Variants in LONP2 observed in about 807,000 individuals in gnomAD.
LONP2 encodes lon protease homolog 2, peroxisomal.
Under a neutral mutation model 85.6 loss-of-function variants are expected in LONP2, and 60 were observed. The ratio of observed to expected loss-of-function variants is 0.70; its 90% CI spans 0.57 to 0.87. LONP2 has a LOEUF of 0.87. LONP2 is among the 40% of genes least tolerant of loss of function. The pLI, the probability that LONP2 is intolerant of heterozygous loss-of-function variation, is 0.00. For missense variants in LONP2, 860 were observed against 1,063.5 expected, an observed-to-expected ratio of 0.81 and a Z score of 2.66; for synonymous variants, 395 against 389.7, an observed-to-expected ratio of 1.01 and a Z score of -0.16.
chr16:48,300,318 A>G (rs1972776536), intron 10 of LONP2, among the ~76,000 whole-genome samples: 1 of 152,222 alleles, frequency 6.6e-6, no homozygotes, highest in South Asian at 2.1e-4. Flanking sequence ...AACAATAGAG[A>G]AGGTGCCTTC....
chr16:48,322,094 CT>C (rs1197013813), intron 11 of LONP2, among the ~76,000 whole-genome samples: 3 of 151,768 alleles, frequency 2.0e-5, no homozygotes, highest in Non-Finnish European at 2.9e-5. Context: ...CTTTTTAAAA[CT>C]TTTCAAATCT....
In LONP2 at chr16:48,244,425, C is replaced by A; in HGVS notation, c.37C>A (p.Leu13Ile). 1 of 1,584,268 alleles carries A rather than the reference C, an allele frequency of 6.3e-7. No homozygotes were observed. The highest frequency in any genetic ancestry group is 8.5e-7 in the Non-Finnish European group (1 of 1,170,552). ...SVSPIQIPSR[L>I]PLLLTHEGVL... is the part of the protein sequence containing the mutation. ...GAGCCCCATCCAGATCCCCAGTCGCCTCCCGCTGCTGCTCACCCACGAGGG... is the reference window on the plus strand; with the variant it reads ...GAGCCCCATCCAGATCCCCAGTCGCATCCCGCTGCTGCTCACCCACGAGGG... The change falls in exon 1 of 15, where the codon CTC becomes ATC. Residue 13 changes from leucine to isoleucine, a missense_variant. Around this residue, in one of 3 missense-constraint regions of LONP2, gnomAD observed 743 missense variants for 917.3 expected, o/e 0.81. Transcript: ENST00000285737.
chr16:48,334,386 C>T (rs764291562), intron 12 of LONP2, 28 bp downstream of exon 12: 1 of 1,613,894 alleles, frequency 6.2e-7, no homozygotes, highest in South Asian at 1.1e-5. Context: ...TTTCTTTTTG[C>T]TCCAGTCAAT....
At chr16:48,248,494 G>A (rs1971526872) in intron 1 of LONP2, among the ~76,000 whole-genome samples, 1 of 151,958 alleles carries the variant, frequency 6.6e-6, no homozygotes, top group Non-Finnish European at 1.5e-5. Flanking sequence ...TGGGGTGAAG[G>A]GAGGTATAAA....
chr16:48,336,009 C>T (rs965158217), intron 12 of LONP2, among the ~76,000 whole-genome samples: 3 of 152,208 alleles, frequency 2.0e-5, no homozygotes, highest in South Asian at 2.1e-4. Context: ...TGAGTGAAGA[C>T]GCAAACAGGT....
intron 11 of LONP2, among the ~76,000 whole-genome samples, chr16:48,303,778 C>T (rs1350108537): frequency 2.0e-5 from 3 of 152,138 alleles, no homozygotes; most frequent in Admixed American, 6.5e-5. Context: ...AAACCACTGG[C>T]GTACGTTCAA....
At chr16:48,307,099 G>T (rs1452988479) in intron 11 of LONP2, among the ~76,000 whole-genome samples, 1 of 152,160 alleles carries the variant, frequency 6.6e-6, no homozygotes, top group Admixed American at 6.6e-5. Context: ...TGTATTTGTG[G>T]GGTCTTAACT....
chr16:48,328,427 C>T (rs192741773), intron 11 of LONP2, among the ~76,000 whole-genome samples: 82 of 151,628 alleles, frequency 5.4e-4, no homozygotes, highest in Middle Eastern at 3.4e-3. Context: ...CACCTGTAAT[C>T]CCAGCACTTT....
At chr16:48,287,456 C>T (rs956608476) in intron 8 of LONP2, among the ~76,000 whole-genome samples, 2 of 152,240 alleles carry the variant, frequency 1.3e-5, no homozygotes, top group African/African-American at 4.8e-5. Flanking sequence ...ACAGTTGCCA[C>T]TGGTTGTTTT....
chr16:48,260,575 G>A (rs1172815674), intron 4 of LONP2, among the ~76,000 whole-genome samples: 2 of 152,222 alleles, frequency 1.3e-5, no homozygotes, highest in African/African-American at 4.8e-5. Context: ...CTTCAGCCTG[G>A]ATTACAAAGC....
intron 2 of LONP2, 63 bp from the exon 3 acceptor site, chr16:48,256,547 G>C (rs990108674): frequency 1.5e-5 from 24 of 1,560,078 alleles, no homozygotes; most frequent in Admixed American, 3.5e-5. Flanking sequence ...ATGGAAATCT[G>C]ATTTTTAAAA....
intron 12 of LONP2, among the ~76,000 whole-genome samples, chr16:48,340,263 G>C (rs1174223341): frequency 6.6e-6 from 1 of 152,156 alleles, no homozygotes; most frequent in African/African-American, 2.4e-5. Flanking sequence ...TCTGATAAAT[G>C]GTGGTAAGCA....
intron 6 of LONP2, among the ~76,000 whole-genome samples, chr16:48,265,982 A>G (rs973607992): frequency 6.6e-6 from 1 of 152,124 alleles, no homozygotes; most frequent in Middle Eastern, 3.4e-3. Flanking sequence ...ATTGTAAATG[A>G]GATTGTTTCC....
chr16:48,283,462 G>T (rs1410810163), intron 8 of LONP2, among the ~76,000 whole-genome samples: 1 of 152,124 alleles, frequency 6.6e-6, no homozygotes, highest in Non-Finnish European at 1.5e-5. Context: ...ACTTTAAGAT[G>T]AAGCCAGTGC....
At position 48,320,159 on chromosome 16, in the gene LONP2, CAAA is replaced by C. The variant is rs80118943; in HGVS notation, c.1796-14039_1796-14037del. On this transcript the variant is annotated intron_variant, in intron 11 of 14. Transcript: ENST00000285737. ...TGGGCAGCAGAGTAAGACTCTGTCT[CAAA>C]AAAAAAAAAAAAAAAAAGAATTTTT... Among the ~76,000 whole-genome samples the C allele has an allele frequency of 2.8e-4, 16 of 56,712 alleles. No homozygotes were observed. In the South Asian group the frequency reaches 3.1e-3, roughly 11 times the overall value. 37.2% of individuals were successfully genotyped at this position (56,712 alleles called of 152,430 possible).
At position 48,354,629 on chromosome 16, in the gene LONP2, A is replaced by C. The variant is rs182530565; in HGVS notation, c.*2827A>C. ...TCACTTTCTTTCTGAATTTCCCTTC[A>C]TATGAGTGGGATCAAACAAGAGTTG... On this transcript the variant is annotated 3_prime_UTR_variant, in exon 15 of 15. Transcript: ENST00000285737. The C allele has an allele frequency of 1.3e-5, 2 of 152,308 alleles. No individual in the cohort carries two copies. Among genetic ancestry groups the C allele is most frequent in the African/African-American group, 4.8e-5 (2 of 41,554 alleles). 9.4% of individuals were successfully genotyped at this position (152,308 alleles called of 1,614,324 possible). A position where few individuals can be genotyped will look rare whatever the true frequency, so the allele number is the denominator to read the frequency against.
At chr16:48,308,668 G>C (rs192633406) in intron 11 of LONP2, among the ~76,000 whole-genome samples, 1 of 141,314 alleles carries the variant, frequency 7.1e-6, no homozygotes, top group East Asian at 2.0e-4. Flanking sequence ...ATAGATTAAA[G>C]ACTTAAATGT....
intron 12 of LONP2, chr16:48,345,353 T>A (rs1347936745): frequency 1.3e-5 from 2 of 152,266 alleles, no homozygotes; most frequent in Admixed American, 6.5e-5. Flanking sequence ...TTAACAAAAT[T>A]GTACCAAATG....
At chr16:48,319,583 G>GC (rs1291018014) in intron 11 of LONP2, among the ~76,000 whole-genome samples, 2 of 152,018 alleles carry the variant, frequency 1.3e-5, no homozygotes, top group Non-Finnish European at 2.9e-5. Flanking sequence ...TGCTGACTTG[G>GC]CCAGAGCCTT....
Sources: allele counts gnomAD v4.1 joint callset (sites outside exome capture counted in the v4.1 genomes callset), GRCh38; gene constraint gnomAD v4.1.1; regional missense constraint gnomAD v4.1.1; transcripts MANE v1.5; gene names NCBI Gene and HGNC (gene_info 2026-07-23, HGNC 2026-07-21).